RNF185: variants seen among roughly 807,000 people sequenced by gnomAD.
RNF185 encodes the protein E3 ubiquitin-protein ligase RNF185.
A neutral mutation model predicts 24.9 loss-of-function variants in RNF185; 13 were observed. That is an observed-to-expected ratio of 0.52 (90% CI 0.34 to 0.83). The LOEUF (loss-of-function observed/expected upper bound fraction) is 0.83. Ranked by LOEUF, RNF185 falls within the 40% of genes least tolerant of loss-of-function variation. The pLI, the probability that RNF185 is intolerant of heterozygous loss-of-function variation, is 0.01. For synonymous variants in RNF185, 79 were observed against 90.3 expected (o/e 0.88, Z 0.71); for missense variants, 184 against 244.7 (o/e 0.75, Z 1.65).
chr22:31,204,457 A>G (rs1256537252), intron 6 of RNF185, 32 bp from the exon 7 acceptor site: 2 of 1,445,432 alleles, frequency 1.4e-6, no homozygotes, highest in South Asian at 2.3e-5. Context: ...GCAGTGTTCT[A>G]ATAGCCTGTT....
intron 1 of RNF185, among the ~76,000 whole-genome samples, chr22:31,164,461 G>C (rs1923780580): frequency 6.6e-6 from 1 of 151,992 alleles, no homozygotes; most frequent in African/African-American, 2.4e-5. Context: ...ACTTTATTCA[G>C]ATTTTGCTAT....
At chr22:31,175,109 G>A (rs944032792) in intron 1 of RNF185, among the ~76,000 whole-genome samples, 10 of 150,240 alleles carry the variant, frequency 6.7e-5, no homozygotes, top group Non-Finnish European at 1.0e-4. Context: ...GGACGAAAAT[G>A]TGAAAAAGTA....
chr22:31,176,580 C>T (rs1018467039), intron 1 of RNF185, among the ~76,000 whole-genome samples: 113 of 151,910 alleles, frequency 7.4e-4, no homozygotes, highest in African/African-American at 2.7e-3. Flanking sequence ...GCTCCGCCTC[C>T]CAGGTTCACA....
intron 6 of RNF185, among the ~76,000 whole-genome samples, chr22:31,204,200 A>G (rs1310969779): frequency 7.0e-6 from 1 of 143,572 alleles, no homozygotes; most frequent in Non-Finnish European, 1.5e-5. Context: ...AAAATTAGCC[A>G]GGCTTGGTGG....
intron 2 of RNF185, among the ~76,000 whole-genome samples, chr22:31,188,955 TAAAA>T (rs34561325): frequency 8.5e-6 from 1 of 118,092 alleles, no homozygotes. Flanking sequence ...CCGTTTCTAC[TAAAA>T]AAAAAAAAAA....
chr22:31,179,639 T>C (rs1602810111), intron 1 of RNF185, among the ~76,000 whole-genome samples: 2 of 152,202 alleles, frequency 1.3e-5, no homozygotes, highest in African/African-American at 4.8e-5. Flanking sequence ...CTGCCTACAG[T>C]TGGGACATGC....
intron 1 of RNF185, among the ~76,000 whole-genome samples, chr22:31,179,506 A>G (rs770734999): frequency 2.0e-5 from 3 of 152,232 alleles, no homozygotes; most frequent in Admixed American, 2.0e-4. Context: ...GGAGTTGACC[A>G]AAGTCAGTCA....
chr22:31,180,965 GTC>G lies in RNF185; in HGVS notation c.-48-6080_-48-6079del, dbSNP rs140598282. 4.9e-3 allele frequency among the ~76,000 whole-genome samples: 733 copies of G among 150,124 alleles called. 5 individuals are homozygous for G. The highest frequency in any genetic ancestry group is 0.017 in the African/African-American group (681 of 40,828). The stretch of plus-strand genomic sequence containing the variant: ...TGTGTGTGTGTGTGTGTGTCTGCCT[GTC>G]TGTCTGTGTATGGATCCACACACAT... On this transcript the variant is annotated intron_variant, in intron 1 of 6. Transcript: ENST00000326132.
intron 3 of RNF185, among the ~76,000 whole-genome samples, chr22:31,194,209 T>A (rs1301685232): frequency 2.0e-5 from 3 of 151,944 alleles, no homozygotes; most frequent in Middle Eastern, 3.4e-3. Flanking sequence ...AAACAAAAAA[T>A]TTTAATGTAA....
intron 1 of RNF185, among the ~76,000 whole-genome samples, chr22:31,171,372 G>A (rs11705159): frequency 0.065 from 9,832 of 150,626 alleles, 413 homozygotes; most frequent in Admixed American, 0.16. Context: ...GTAGAGACAG[G>A]GTTTCACTAT....
chr22:31,202,635 T>C (rs1054555086), intron 6 of RNF185, among the ~76,000 whole-genome samples: 7 of 120,996 alleles, frequency 5.8e-5, no homozygotes, highest in Admixed American at 1.0e-4. Context: ...TTTTTTGAGA[T>C]GGAGTCTCGC....
intron 1 of RNF185, among the ~76,000 whole-genome samples, chr22:31,181,675 T>TA (rs947678056): frequency 1.3e-5 from 2 of 152,054 alleles, no homozygotes; most frequent in Non-Finnish European, 2.9e-5. Flanking sequence ...TATGCAGCCA[T>TA]AAAAAATGAT....
At chr22:31,169,464 A>C (rs1016085315) in intron 1 of RNF185, among the ~76,000 whole-genome samples, 1 of 152,092 alleles carries the variant, frequency 6.6e-6, no homozygotes, top group Non-Finnish European at 1.5e-5. Context: ...ATAGTTTTTA[A>C]AGTCATGACC....
intron 6 of RNF185, among the ~76,000 whole-genome samples, chr22:31,201,876 G>A (rs2048266143): frequency 6.6e-6 from 1 of 152,162 alleles, no homozygotes; most frequent in Admixed American, 6.5e-5. Flanking sequence ...TGGAACAGGT[G>A]TGTGATTAGC....
chr22:31,181,065 TA>T (rs1263917299), intron 1 of RNF185, among the ~76,000 whole-genome samples: 2 of 152,204 alleles, frequency 1.3e-5, no homozygotes, highest in East Asian at 3.9e-4. Flanking sequence ...TTAATCTTTT[TA>T]AAAAATACCT....
chr22:31,176,010 A>G (rs575525828), intron 1 of RNF185, among the ~76,000 whole-genome samples: 1 of 152,200 alleles, frequency 6.6e-6, no homozygotes, highest in Non-Finnish European at 1.5e-5. Flanking sequence ...CAATCCTCCC[A>G]TCTTGGCCTC....
intron 6 of RNF185, among the ~76,000 whole-genome samples, chr22:31,203,813 A>C (rs1371887221): frequency 6.6e-6 from 1 of 151,994 alleles, no homozygotes; most frequent in Non-Finnish European, 1.5e-5. Flanking sequence ...AGGTGGGCGG[A>C]TCATCTGAGG....
chr22:31,178,011 C>T (rs1164326082), intron 1 of RNF185, among the ~76,000 whole-genome samples: 1 of 152,168 alleles, frequency 6.6e-6, no homozygotes, highest in Non-Finnish European at 1.5e-5. Flanking sequence ...CAAAGGCCAG[C>T]TCTGGGAAGG....
At chr22:31,202,660 T>C (rs1204609879) in intron 6 of RNF185, among the ~76,000 whole-genome samples, 1 of 138,558 alleles carries the variant, frequency 7.2e-6, no homozygotes, top group Non-Finnish European at 1.5e-5. Context: ...TCCCCCAGGC[T>C]GGAGTGCAGT....
Sources: gnomAD v4.1 joint callset for allele counts (sites outside exome capture counted in the v4.1 genomes callset) on GRCh38, gnomAD v4.1.1 for gene constraint, MANE v1.5 for transcripts, NCBI Gene and HGNC (gene_info 2026-07-23, HGNC 2026-07-21) for gene names.